Variants in GAB2 observed in about 807,000 individuals in gnomAD.
The protein encoded by GAB2 is GRB2-associated-binding protein 2.
Under a neutral mutation model 65.5 loss-of-function variants are expected in GAB2, and 26 were observed. The observed-to-expected ratio is 0.40, with a 90% CI of 0.29 to 0.55. The LOEUF is 0.55. Among genes scored for constraint, GAB2 ranks in the 20% least tolerant of loss-of-function variants. The pLI is 0.53. For synonymous variants in GAB2, 321 were observed against 329.6 expected, an observed-to-expected ratio of 0.97 and a Z score of 0.28; for missense variants, 884 against 875.8, an observed-to-expected ratio of 1.01 and a Z score of -0.12.
chr11:78,275,557 T>C (rs1475006081), intron 2 of GAB2, among the ~76,000 whole-genome samples: 1 of 152,208 alleles, frequency 6.6e-6, no homozygotes, highest in African/African-American at 2.4e-5. Context: ...CTGAATCTTT[T>C]AACATACCAG....
intron 2 of GAB2, among the ~76,000 whole-genome samples, chr11:78,252,001 T>A (rs539469298): frequency 6.6e-6 from 1 of 152,360 alleles, no homozygotes; most frequent in South Asian, 2.1e-4. Flanking sequence ...AAATAAAAGT[T>A]TAAAGATGTA....
intron 3 of GAB2, among the ~76,000 whole-genome samples, chr11:78,246,559 C>T (rs1488484701): frequency 6.6e-6 from 1 of 151,980 alleles, no homozygotes; most frequent in East Asian, 1.9e-4. Context: ...AGTGCAGTGG[C>T]GTGATCTCGG....
rs1181707829 is a variant in GAB2 at position 78,215,837 on chromosome 11, G to A, written c.*3435C>T. 1.3e-5 allele frequency: 2 copies of A among 152,694 alleles called. No individual in the cohort carries two copies. The highest frequency in any genetic ancestry group is 2.4e-5 in the African/African-American group (1 of 41,434). The allele number at this position is 152,694 out of a possible 1,614,324, so 9.5% of individuals were successfully genotyped here. Reference sequence around the variant, plus strand: ...TTCCCCTGCATTTTATGAAGGCCCAGATGGGGAAGGAAGAACTCTGGAAAT... The same window carrying A: ...TTCCCCTGCATTTTATGAAGGCCCAAATGGGGAAGGAAGAACTCTGGAAAT... On this transcript the variant is annotated 3_prime_UTR_variant, in exon 10 of 10. Transcript: ENST00000361507.
intron 1 of GAB2, among the ~76,000 whole-genome samples, chr11:78,361,111 T>C (rs1856429343): frequency 6.6e-6 from 1 of 152,178 alleles, no homozygotes; most frequent in African/African-American, 2.4e-5. Context: ...TAGATTATGA[T>C]AGAAGTAGCA....
At chr11:78,295,689 C>T (rs1272102034) in intron 1 of GAB2, among the ~76,000 whole-genome samples, 15 of 152,138 alleles carry the variant, frequency 9.9e-5, no homozygotes, top group South Asian at 2.1e-4. Context: ...GGATGCTTGA[C>T]GGAGAGGACT....
chr11:78,301,403 C>T (rs1378847631), intron 1 of GAB2, among the ~76,000 whole-genome samples: 1 of 148,872 alleles, frequency 6.7e-6, no homozygotes, highest in African/African-American at 2.5e-5. Context: ...GATCTGGGCT[C>T]ACTGCAACCT....
chr11:78,283,644 A>G (rs917226730), intron 1 of GAB2, among the ~76,000 whole-genome samples: 9 of 152,062 alleles, frequency 5.9e-5, no homozygotes, highest in Middle Eastern at 3.2e-3. Context: ...GGTGTCAAAG[A>G]CTTCAGTGCT....
At chr11:78,270,587 G>A (rs897673371) in intron 2 of GAB2, among the ~76,000 whole-genome samples, 2 of 152,254 alleles carry the variant, frequency 1.3e-5, no homozygotes, top group Non-Finnish European at 2.9e-5. Context: ...TTGCTTTTGC[G>A]ATAGGAATGA....
intron 1 of GAB2, among the ~76,000 whole-genome samples, chr11:78,317,516 C>T (rs1295280263): frequency 1.5e-4 from 21 of 136,260 alleles, no homozygotes; most frequent in Admixed American, 1.3e-3. Flanking sequence ...GCTGAGATGG[C>T]GCCACTGCAC....
chr11:78,377,694 A>G (rs767390194), intron 1 of GAB2, among the ~76,000 whole-genome samples: 2 of 152,178 alleles, frequency 1.3e-5, no homozygotes, highest in Non-Finnish European at 2.9e-5. Flanking sequence ...TGACATGAGA[A>G]TATTATCTAT....
At chr11:78,407,766 AAGAG>A (rs1231851022) in intron 1 of GAB2, among the ~76,000 whole-genome samples, 17 of 151,820 alleles carry the variant, frequency 1.1e-4, no homozygotes, top group African/African-American at 4.1e-4. Context: ...GAAAGAAAGA[AAGAG>A]AGAGAAAGAA....
At chr11:78,279,548 C>T (rs766347743) in intron 2 of GAB2, among the ~76,000 whole-genome samples, 19 of 152,086 alleles carry the variant, frequency 1.2e-4, no homozygotes, top group Non-Finnish European at 2.4e-4. Context: ...CAAATATCAT[C>T]ACTATCTAAT....
chr11:78,374,690 T>C (rs1436833728), intron 1 of GAB2, among the ~76,000 whole-genome samples: 1 of 152,224 alleles, frequency 6.6e-6, no homozygotes, highest in Non-Finnish European at 1.5e-5. Flanking sequence ...AGAAATTATA[T>C]ACATTAAATT....
At chr11:78,397,512 G>A (rs1263196125) in intron 1 of GAB2, among the ~76,000 whole-genome samples, 3 of 152,224 alleles carry the variant, frequency 2.0e-5, no homozygotes, top group South Asian at 2.1e-4. Context: ...GGTGGATGGT[G>A]CAGGAAAGAC....
chr11:78,227,050 T>C lies in GAB2; in HGVS notation c.622A>G (p.Ser208Gly). 1 of 1,598,570 alleles carries C rather than the reference T, an allele frequency of 6.3e-7. No homozygotes were observed. Among genetic ancestry groups the C allele is most frequent in the Non-Finnish European group, 8.5e-7 (1 of 1,170,022 alleles). Residue 208 changes from serine to glycine, a missense_variant and splice_region_variant, in exon 4 of 10, where the codon AGT (serine) becomes GGT (glycine). Ser to Gly is a moderately conservative substitution (Grantham distance 56). Transcript: ENST00000361507. Reference protein sequence around the residue: ...CISRRAENARSASFSQGTRAS... With the variant: ...CISRRAENARGASFSQGTRAS... ...CTGGTGCCCTGAGAGAAGCTGGCAC[T>C]CCTAAAAGAGAAAGAAGGGAAAGGG...
intron 1 of GAB2, among the ~76,000 whole-genome samples, chr11:78,416,491 A>G (rs1857197794): frequency 6.6e-6 from 1 of 152,226 alleles, no homozygotes; most frequent in South Asian, 2.1e-4. Flanking sequence ...TGCAGCTGAC[A>G]GAGGGCAGGG....
At chr11:78,361,075 A>T (rs1856428945) in intron 1 of GAB2, among the ~76,000 whole-genome samples, 2 of 152,206 alleles carry the variant, frequency 1.3e-5, no homozygotes, top group South Asian at 4.1e-4. Flanking sequence ...GTGAGTTCAC[A>T]AATGGTTACT....
At chr11:78,256,233 TA>T (rs1228242561) in intron 2 of GAB2, among the ~76,000 whole-genome samples, 3 of 152,098 alleles carry the variant, frequency 2.0e-5, no homozygotes, top group African/African-American at 7.2e-5. Context: ...GCCATAGAAA[TA>T]AAAAATACTG....
chr11:78,223,737 G>A, intron 5 of GAB2, 61 bp from the exon 6 acceptor site: 1 of 1,362,444 alleles, frequency 7.3e-7, no homozygotes, highest in Non-Finnish European at 1.0e-6. Context: ...CAGGAAGGGG[G>A]TAAGACTTTG....
Sources: allele counts gnomAD v4.1 joint callset (sites outside exome capture counted in the v4.1 genomes callset), GRCh38; gene constraint gnomAD v4.1.1; transcripts MANE v1.5; gene names NCBI Gene and HGNC (gene_info 2026-07-23, HGNC 2026-07-21).